SRD5A2: variants seen among roughly 807,000 people sequenced by gnomAD.
SRD5A2 encodes 3-oxo-5-alpha-steroid 4-dehydrogenase 2.
SRD5A2 carries 30 observed loss-of-function variants against 27.4 expected under a neutral mutation model. The observed-to-expected ratio is 1.10, with a 90% CI of 0.82 to 1.49. The LOEUF (loss-of-function observed/expected upper bound fraction) is 1.49, where lower values mean the gene tolerates loss of function less well. Among genes scored for constraint, SRD5A2 ranks in the 40% most tolerant of loss-of-function variants. SRD5A2 has a pLI of 0.00. For synonymous variants in SRD5A2, 141 were observed against 133.6 expected (o/e 1.06, Z -0.38); for missense variants, 348 against 323.4 (o/e 1.08, Z -0.58).
intron 1 of SRD5A2, among the ~76,000 whole-genome samples, chr2:31,553,762 T>C (rs1666430239): frequency 6.6e-6 from 1 of 152,136 alleles, no homozygotes; most frequent in African/African-American, 2.4e-5. Flanking sequence ...AATATATAAA[T>C]ATTAGCTGTC....
chr2:31,594,408 T>G, the SRD5A2 span, among the ~76,000 whole-genome samples: 71 of 152,254 alleles, frequency 4.7e-4, no homozygotes, highest in Admixed American at 2.7e-3. Context: ...GCTATTCTTA[T>G]ATCAGACAAA....
the SRD5A2 span, chr2:31,651,405 C>G: frequency 4.3e-6 from 1 of 231,038 alleles, no homozygotes; most frequent in South Asian, 8.3e-5. Flanking sequence ...AATCTGGATG[C>G]TGACATGTCC....
At chr2:31,557,128 C>T (rs1666512054) in intron 1 of SRD5A2, among the ~76,000 whole-genome samples, 1 of 152,198 alleles carries the variant, frequency 6.6e-6, no homozygotes, top group Admixed American at 6.5e-5. Flanking sequence ...TAGCATTTTC[C>T]TCTATTGCAG....
chr2:31,552,561 G>C (rs1666401687), intron 1 of SRD5A2, among the ~76,000 whole-genome samples: 2 of 152,182 alleles, frequency 1.3e-5, no homozygotes, highest in Admixed American at 6.5e-5. Flanking sequence ...GCAGAACCTA[G>C]GCATCTCACC....
At chr2:31,605,237 G>A in the SRD5A2 span, among the ~76,000 whole-genome samples, 1 of 151,874 alleles carries the variant, frequency 6.6e-6, no homozygotes, top group Admixed American at 6.6e-5. Context: ...ATTGGTCTAG[G>A]GAAAGATTTC....
chr2:31,652,352 G>A, the SRD5A2 span, among the ~76,000 whole-genome samples: 1 of 152,088 alleles, frequency 6.6e-6, no homozygotes, highest in Admixed American at 6.5e-5. Context: ...TTGGCCAACT[G>A]GTGAATTTTG....
At chr2:31,589,604 C>T in the SRD5A2 span, among the ~76,000 whole-genome samples, 1 of 152,322 alleles carries the variant, frequency 6.6e-6, no homozygotes, top group South Asian at 2.1e-4. Context: ...CCAGGGAAAC[C>T]ATTCCTGGCC....
intron 1 of SRD5A2, among the ~76,000 whole-genome samples, chr2:31,569,607 T>C (rs1265164192): frequency 6.6e-6 from 1 of 151,416 alleles, no homozygotes; most frequent in African/African-American, 2.4e-5. Flanking sequence ...GGCAGTTCAT[T>C]GGACAAAAAG....
At chr2:31,661,558 T>C in the SRD5A2 span, among the ~76,000 whole-genome samples, 2 of 152,196 alleles carry the variant, frequency 1.3e-5, no homozygotes. Flanking sequence ...TTTGATCAGA[T>C]GTGTAGAAAC....
At chr2:31,631,228 C>T in the SRD5A2 span, among the ~76,000 whole-genome samples, 4 of 152,198 alleles carry the variant, frequency 2.6e-5, no homozygotes, top group East Asian at 1.9e-4. Flanking sequence ...ACAAAGGCAA[C>T]GTTGGGCAGG....
the SRD5A2 span, among the ~76,000 whole-genome samples, chr2:31,642,311 A>T: frequency 6.6e-6 from 1 of 152,106 alleles, no homozygotes; most frequent in Admixed American, 6.5e-5. Context: ...AACATAGGAG[A>T]CAATTTTTTT....
At chr2:31,574,709 G>A (rs1666921725) in intron 1 of SRD5A2, among the ~76,000 whole-genome samples, 1 of 152,156 alleles carries the variant, frequency 6.6e-6, no homozygotes, top group Admixed American at 6.5e-5. Flanking sequence ...ACATGTAGCA[G>A]AAATTTTCTA....
chr2:31,545,040 G>A (rs777534181), intron 1 of SRD5A2, among the ~76,000 whole-genome samples: 82 of 151,054 alleles, frequency 5.4e-4, no homozygotes, highest in Admixed American at 1.4e-3. Context: ...AACTAGTAAG[G>A]AGATTACATA....
intron 4 of SRD5A2, 82 bp from the exon 5 acceptor site, chr2:31,526,344 A>G (rs1214318604): frequency 1.1e-6 from 1 of 904,926 alleles, no homozygotes; most frequent in African/African-American, 1.7e-5. Flanking sequence ...AATCTTTGTT[A>G]CAAGTCAACC....
At chr2:31,637,182 A>T in the SRD5A2 span, among the ~76,000 whole-genome samples, 63 of 152,028 alleles carry the variant, frequency 4.1e-4, no homozygotes, top group Non-Finnish European at 7.8e-4. Flanking sequence ...TTTCTATTTC[A>T]TCATTCTTCA....
upstream of SRD5A2, among the ~76,000 whole-genome samples, chr2:31,581,249 C>G (rs1157415343): frequency 6.6e-6 from 1 of 152,172 alleles, no homozygotes; most frequent in Non-Finnish European, 1.5e-5. Flanking sequence ...GGGAAGAAAA[C>G]CCCACGGGGA....
At chr2:31,660,453 C>A in the SRD5A2 span, among the ~76,000 whole-genome samples, 7 of 152,104 alleles carry the variant, frequency 4.6e-5, no homozygotes, top group East Asian at 1.9e-4. Flanking sequence ...GTCATACACA[C>A]ATGTTATTAT....
the SRD5A2 span, among the ~76,000 whole-genome samples, chr2:31,647,116 G>C: frequency 6.6e-6 from 1 of 152,100 alleles, no homozygotes; most frequent in East Asian, 1.9e-4. Flanking sequence ...CTGCACTCCA[G>C]CCTGGGCGAC....
the SRD5A2 span, among the ~76,000 whole-genome samples, chr2:31,611,335 C>T: frequency 1.4e-4 from 21 of 152,068 alleles, no homozygotes; most frequent in South Asian, 2.9e-3. Flanking sequence ...GTTATGCAAC[C>T]GTAGTAACTG....
Sources: gnomAD v4.1 joint callset for allele counts (sites outside exome capture counted in the v4.1 genomes callset) on GRCh38, gnomAD v4.1.1 for gene constraint, MANE v1.5 for transcripts, NCBI Gene and HGNC (gene_info 2026-07-23, HGNC 2026-07-21) for gene names.